The following PROX2 variants were observed in gnomAD, a reference collection of about 807,000 sequenced individuals.
The protein encoded by PROX2 is prospero homeobox protein 2.
Under a neutral mutation model 48.9 loss-of-function variants are expected in PROX2, and 46 were observed. The observed-to-expected ratio is 0.94, with a 90% CI of 0.74 to 1.20. PROX2 has a LOEUF of 1.20. Among genes scored for constraint, PROX2 ranks in the 50% most tolerant of loss-of-function variants. The pLI is 0.00. For synonymous variants in PROX2, 260 were observed against 276.6 expected, an observed-to-expected ratio of 0.94 and a Z score of 0.60; for missense variants, 663 against 719.4, an observed-to-expected ratio of 0.92 and a Z score of 0.90.
intron 5 of PROX2, chr14:74,856,376 G>A (rs1000801306): frequency 7.0e-5 from 11 of 157,796 alleles, no homozygotes; most frequent in African/African-American, 2.6e-4. Flanking sequence ...ACATTTTCAA[G>A]GGAAAATACA....
chr14:74,859,899 T>C (rs958438710), intron 3 of PROX2, among the ~76,000 whole-genome samples: 1 of 152,216 alleles, frequency 6.6e-6, no homozygotes, highest in African/African-American at 2.4e-5. Context: ...AAAGACCCAG[T>C]TTCAGACACT....
chr14:74,861,289 A>G (rs1359984308), intron 3 of PROX2: 2 of 1,211,538 alleles, frequency 1.7e-6, no homozygotes, highest in African/African-American at 3.1e-5. Context: ...CAGCGTGAGC[A>G]CAGCTAGCTT....
At chr14:74,875,100 G>A (rs987409233) in intron 1 of PROX2, among the ~76,000 whole-genome samples, 13 of 151,884 alleles carry the variant, frequency 8.6e-5, no homozygotes, top group African/African-American at 3.1e-4. Flanking sequence ...GAGCTGAGAC[G>A]TGCCATTGCA....
At chr14:74,857,349 C>G (rs1350671289) in intron 4 of PROX2, 1 of 180,878 alleles carries the variant, frequency 5.5e-6, no homozygotes, top group Non-Finnish European at 1.2e-5. Context: ...CATGGCAGGC[C>G]TGGGGCCTTC....
rs1002451555 is a variant in PROX2 at position 74,863,327 on chromosome 14, T to C, written c.508A>G (p.Lys170Glu). 6.8e-6 allele frequency: 11 copies of C among 1,613,926 alleles called. 1 individual carries two copies. In the African/African-American group the frequency reaches 1.3e-4, roughly 20 times the overall value. Residue 170 changes from lysine to glutamate, a missense_variant, in exon 3 of 6, where the codon AAA becomes GAA. Transcript: ENST00000556489. ...AQGPGGCGTGKGPLSAKQGNG... is the reference protein window; with the variant it reads ...AQGPGGCGTGEGPLSAKQGNG... ...CCCTGCTTTGCACTCAGAGGGCCTT[T>C]CCCCGTGCCACAGCCTCCTGGCCCC...
At chr14:74,860,567 T>A (rs1253466652) in intron 3 of PROX2, among the ~76,000 whole-genome samples, 1 of 152,100 alleles carries the variant, frequency 6.6e-6, no homozygotes, top group Non-Finnish European at 1.5e-5. Context: ...TGTCACAGGA[T>A]GTCATGTGAA....
At chr14:74,873,941 A>G in intron 1 of PROX2, 1 of 479,404 alleles carries the variant, frequency 2.1e-6, no homozygotes. Context: ...ATGAAGATGT[A>G]TTGGAAATAG....
In PROX2 at chr14:74,854,265, A is replaced by G. The variant is rs1331513706; in HGVS notation, c.*867T>C. 1 of 481,836 alleles carries G rather than the reference A, an allele frequency of 2.1e-6. No homozygotes were observed. The highest frequency in any genetic ancestry group is 2.2e-5 in the Admixed American group (1 of 45,892). 29.8% of individuals were successfully genotyped at this position (481,836 alleles called of 1,614,324 possible). The stretch of plus-strand genomic sequence containing the variant: ...AAACTCTTCCAGCAGACAAATGTGA[A>G]TAAACAGCAACACTCAAGTCCTGCA... On this transcript the variant is annotated 3_prime_UTR_variant, in exon 6 of 6. Transcript: ENST00000556489.
chr14:74,872,641 C>T (rs1279522717), intron 1 of PROX2, among the ~76,000 whole-genome samples: 1 of 152,238 alleles, frequency 6.6e-6, no homozygotes, highest in Non-Finnish European at 1.5e-5. Flanking sequence ...TAGCACATCT[C>T]AAAGTCACAT....
At chr14:74,867,610 T>A (rs1425377829) in intron 2 of PROX2, among the ~76,000 whole-genome samples, 1 of 152,216 alleles carries the variant, frequency 6.6e-6, no homozygotes, top group African/African-American at 2.4e-5. Context: ...GACAATACTT[T>A]ATTTCAGATC....
chr14:74,865,252 G>A (rs542617178), intron 2 of PROX2: 1 of 152,188 alleles, frequency 6.6e-6, no homozygotes, highest in African/African-American at 2.4e-5. Flanking sequence ...TATTTATTGA[G>A]CACCTGCTGT....
chr14:74,873,672 T>TA (rs1883270352), intron 1 of PROX2: 6 of 371,482 alleles, frequency 1.6e-5, no homozygotes, highest in South Asian at 5.0e-5. Context: ...TCCATATTTT[T>TA]AAAAAAACAA....
At chr14:74,875,367 C>T (rs1883317635) in intron 1 of PROX2, among the ~76,000 whole-genome samples, 1 of 152,114 alleles carries the variant, frequency 6.6e-6, no homozygotes, top group Admixed American at 6.6e-5. Flanking sequence ...AACCAGGAGC[C>T]CAGAGAGGTA....
chr14:74,857,341 T>C (rs1046334969), intron 4 of PROX2: 2 of 190,708 alleles, frequency 1.0e-5, no homozygotes, highest in Non-Finnish European at 2.2e-5. Flanking sequence ...GTGGACTGCA[T>C]GGCAGGCCTG....
intron 1 of PROX2, among the ~76,000 whole-genome samples, chr14:74,872,553 T>C (rs1187889759): frequency 6.6e-6 from 1 of 152,250 alleles, no homozygotes; most frequent in Non-Finnish European, 1.5e-5. Context: ...CCTTACCCAT[T>C]GTACTCCTGA....
At chr14:74,874,311 G>C (rs530173393) in intron 1 of PROX2, 139 of 298,392 alleles carry the variant, frequency 4.7e-4, no homozygotes, top group Admixed American at 2.4e-4. Context: ...GGAGTGCAGT[G>C]GCGTGATCTT....
rs1247898137 is a variant in PROX2, at chr14:74,856,890, C to T, written c.1519G>A (p.Val507Ile). Residue 507 changes from valine (V) to isoleucine (I), a missense_variant, in exon 5 of 6, where the codon GTC (valine) becomes ATC (isoleucine). By Grantham distance (29) the Val-to-Ile change is conservative. Transcript: ENST00000556489. ...KSARQAISDG[V>I]TNPKMLVVLR... ...ACCACCAGCATTTTGGGATTTGTGA[C>T]ACCATCTGAAATTGCTTGCCGGGCA... 1.2e-6 allele frequency: 2 copies of T among 1,613,888 alleles called. No homozygotes were observed. The highest frequency in any genetic ancestry group is 1.7e-6 in the Non-Finnish European group (2 of 1,179,890).
intron 3 of PROX2, among the ~76,000 whole-genome samples, chr14:74,859,962 G>A (rs1248927419): frequency 6.6e-6 from 1 of 152,216 alleles, no homozygotes; most frequent in Non-Finnish European, 1.5e-5. Flanking sequence ...TAACTGCTCT[G>A]AGCCTCATTG....
chr14:74,858,818 A>AGAT (rs111395507), intron 3 of PROX2: 3,535 of 212,198 alleles, frequency 0.017, 160 homozygotes, highest in African/African-American at 0.089. Context: ...GTGGTGTCTT[A>AGAT]GATGTCAAAT....
Sources: gnomAD v4.1 joint callset for allele counts (sites outside exome capture counted in the v4.1 genomes callset) on GRCh38, gnomAD v4.1.1 for gene constraint, MANE v1.5 for transcripts, NCBI Gene and HGNC (gene_info 2026-07-23, HGNC 2026-07-21) for gene names.